The following GRIK2 variants were observed in gnomAD, a reference collection of about 807,000 sequenced individuals.
GRIK2 encodes the protein glutamate receptor ionotropic, kainate 2.
A neutral mutation model predicts 100.3 loss-of-function variants in GRIK2; 32 were observed. The observed-to-expected ratio is 0.32, with a 90% CI of 0.24 to 0.43. The LOEUF (loss-of-function observed/expected upper bound fraction) is 0.43, where lower values mean the gene tolerates loss of function less well. GRIK2 is among the 20% of genes least tolerant of loss of function. The pLI is 1.00. For synonymous variants in GRIK2, 417 were observed against 389.4 expected, an observed-to-expected ratio of 1.07 and a Z score of -0.83; for missense variants, 843 against 1,114.9, an observed-to-expected ratio of 0.76 and a Z score of 3.47.
intron 7 of GRIK2, among the ~76,000 whole-genome samples, chr6:101,768,944 T>C (rs9498693): frequency 0.13 from 20,355 of 152,128 alleles, 2,389 homozygotes; most frequent in East Asian, 0.65. Context: ...TATTTACTAT[T>C]TTTCTGATTT....
At chr6:101,684,604 T>A (rs1376786004) in intron 6 of GRIK2, among the ~76,000 whole-genome samples, 1 of 152,048 alleles carries the variant, frequency 6.6e-6, no homozygotes, top group African/African-American at 2.4e-5. Context: ...AAGGCTGAGA[T>A]CTCTATAACA....
chr6:101,721,799 CAT>C (rs1562334542), intron 7 of GRIK2, among the ~76,000 whole-genome samples: 1 of 151,854 alleles, frequency 6.6e-6, no homozygotes, highest in Non-Finnish European at 1.5e-5. Context: ...ACATGGAACA[CAT>C]ATATTATTTA....
chr6:101,517,943 T>C (rs1307445011), intron 2 of GRIK2, among the ~76,000 whole-genome samples: 1 of 152,124 alleles, frequency 6.6e-6, no homozygotes, highest in Non-Finnish European at 1.5e-5. Flanking sequence ...ACAGCTCTCA[T>C]ACTTATGAAT....
chr6:102,007,065 T>A (rs954514568), intron 14 of GRIK2, among the ~76,000 whole-genome samples: 1 of 152,152 alleles, frequency 6.6e-6, no homozygotes, highest in African/African-American at 2.4e-5. Context: ...TTGTGCATGA[T>A]ACAATTGTAA....
At chr6:102,052,108 G>C (rs1199245367) in intron 15 of GRIK2, among the ~76,000 whole-genome samples, 2 of 152,138 alleles carry the variant, frequency 1.3e-5, no homozygotes, top group Non-Finnish European at 2.9e-5. Context: ...ATGTGTCCTT[G>C]AGATTTTTCA....
intron 14 of GRIK2, among the ~76,000 whole-genome samples, chr6:101,946,475 G>A (rs1582591856): frequency 6.6e-6 from 1 of 151,636 alleles, no homozygotes; most frequent in Non-Finnish European, 1.5e-5. Context: ...AGGTTGCAGT[G>A]AGTCGTATTC....
intron 10 of GRIK2, among the ~76,000 whole-genome samples, chr6:101,831,252 CAT>C (rs1782667173): frequency 6.6e-6 from 1 of 151,954 alleles, no homozygotes; most frequent in Non-Finnish European, 1.5e-5. Flanking sequence ...GACAATAAAA[CAT>C]ATATGAGCCC....
chr6:101,641,190 T>C (rs1323062753), intron 4 of GRIK2, among the ~76,000 whole-genome samples: 2 of 152,080 alleles, frequency 1.3e-5, no homozygotes, highest in Non-Finnish European at 2.9e-5. Flanking sequence ...ATAATATCCA[T>C]TTCATATAAA....
intron 2 of GRIK2, among the ~76,000 whole-genome samples, chr6:101,445,777 A>C (rs1770340288): frequency 6.6e-6 from 1 of 152,130 alleles, no homozygotes; most frequent in Non-Finnish European, 1.5e-5. Flanking sequence ...TGACTCATTC[A>C]CTAATGTGGT....
chr6:101,470,607 C>A (rs60762919), intron 2 of GRIK2, among the ~76,000 whole-genome samples: 5,843 of 152,126 alleles, frequency 0.038, 397 homozygotes, highest in African/African-American at 0.13. Context: ...TAGCTCTCTC[C>A]TTTTATATCC....
chr6:101,576,056 G>A (rs1267880554), intron 2 of GRIK2, among the ~76,000 whole-genome samples: 1 of 151,926 alleles, frequency 6.6e-6, no homozygotes, highest in Non-Finnish European at 1.5e-5. Flanking sequence ...AAACATGTTT[G>A]AAATTATATT....
chr6:101,951,065 A>G (rs1352132102), intron 14 of GRIK2, among the ~76,000 whole-genome samples: 1 of 152,172 alleles, frequency 6.6e-6, no homozygotes, highest in East Asian at 1.9e-4. Context: ...GTGAATCGTC[A>G]TTTGTTGTGT....
chr6:101,594,544 A>G (rs1163186137), intron 2 of GRIK2, among the ~76,000 whole-genome samples: 1 of 151,846 alleles, frequency 6.6e-6, no homozygotes, highest in Non-Finnish European at 1.5e-5. Flanking sequence ...GTTGTATTTT[A>G]CTTGAATACT....
intron 2 of GRIK2, among the ~76,000 whole-genome samples, chr6:101,424,460 G>A (rs1043704000): frequency 5.6e-4 from 85 of 151,024 alleles, no homozygotes; most frequent in African/African-American, 2.0e-3. Context: ...AAGAATGATG[G>A]TTTCCAGCTT....
chr6:101,423,341 G>A (rs1029651056), intron 2 of GRIK2, among the ~76,000 whole-genome samples: 1 of 152,088 alleles, frequency 6.6e-6, no homozygotes, highest in Non-Finnish European at 1.5e-5. Context: ...ACTTTAAAAA[G>A]CTCTATTTTT....
intron 7 of GRIK2, among the ~76,000 whole-genome samples, chr6:101,788,971 G>C (rs1779631046): frequency 6.6e-6 from 1 of 151,656 alleles, no homozygotes; most frequent in Non-Finnish European, 1.5e-5. Flanking sequence ...GTGATGATGA[G>C]CTTTTTTTCA....
chr6:102,060,314 A>C (rs529766255), intron 16 of GRIK2, among the ~76,000 whole-genome samples: 4 of 150,986 alleles, frequency 2.6e-5, no homozygotes, highest in African/African-American at 7.2e-5. Context: ...TTTGGAATAC[A>C]GCTATAAATC....
intron 15 of GRIK2, among the ~76,000 whole-genome samples, chr6:102,044,004 C>CTATT (rs1347247535): frequency 3.9e-5 from 6 of 151,926 alleles, no homozygotes; most frequent in Non-Finnish European, 5.9e-5. Context: ...GCCATTAAGC[C>CTATT]TATTTTTCTT....
In GRIK2 at chr6:102,031,458, A is replaced by T. The variant is rs200399668; in HGVS notation, c.2086-3883A>T. ...TATTTTACTTATTTATTTTTATTTT[A>T]AAAATTTTTAATAATTTCAACTTAT... is the stretch of plus-strand genomic sequence containing the variant. On this transcript the variant is annotated intron_variant, in intron 14 of 16. Transcript: ENST00000369134. Among the ~76,000 whole-genome samples, 175 of 150,506 alleles carry T rather than the reference A, an allele frequency of 1.2e-3. 3 individuals are homozygous for T. Among genetic ancestry groups the T allele is most frequent in the African/African-American group, 3.8e-3 (158 of 41,212 alleles).
Sources: gnomAD v4.1 joint callset for allele counts (sites outside exome capture counted in the v4.1 genomes callset) on GRCh38, gnomAD v4.1.1 for gene constraint, MANE v1.5 for transcripts, NCBI Gene and HGNC (gene_info 2026-07-23, HGNC 2026-07-21) for gene names.